TRIM46: variants seen among roughly 807,000 people sequenced by gnomAD.
TRIM46 encodes tripartite motif-containing protein 46.
Under a neutral mutation model 69.7 loss-of-function variants are expected in TRIM46, and 17 were observed. The ratio of observed to expected loss-of-function variants is 0.24; its 90% confidence interval spans 0.17 to 0.37. TRIM46 has a LOEUF of 0.37. Among genes scored for constraint, TRIM46 ranks in the 10% least tolerant of loss-of-function variants. TRIM46 has a pLI of 1.00. For missense variants in TRIM46, 675 were observed against 1,025.1 expected, an observed-to-expected ratio of 0.66 and a Z score of 4.66; for synonymous variants, 391 against 429.0, an observed-to-expected ratio of 0.91 and a Z score of 1.09.
rs1187197594 is a variant in TRIM46 at position 155,179,905 on chromosome 1, A to G, written c.1559A>G (p.Asp520Gly). Residue 520 changes from aspartate to glycine, a missense_variant, in exon 8 of 10, where the codon GAT becomes GGT. Physicochemically the swap from Asp to Gly is moderately conservative, Grantham distance 94 (BLOSUM62 -1). Around this residue, in one of 5 missense-constraint regions of TRIM46, gnomAD observed 361 missense variants for 498.3 expected, o/e 0.72. Transcript: ENST00000334634. The stretch of plus-strand genomic sequence containing the variant: ...GCCGGCTACGGCGAATACAGTGAAG[A>G]TGTGCACCTGCACACGCCCCCGGCA... ...NKAGYGEYSEDVHLHTPPAPV... is the reference protein window; with the variant it reads ...NKAGYGEYSEGVHLHTPPAPV... 1 of 1,596,132 alleles carries G rather than the reference A, an allele frequency of 6.3e-7. No individual in the cohort carries two copies. The highest frequency in any genetic ancestry group is 2.2e-5 in the East Asian group (1 of 44,504).
At position 155,173,999 on chromosome 1, in the gene TRIM46, T is replaced by C; in HGVS notation, c.33T>C (p.Thr11=). Residue 11 remains threonine (T), a synonymous_variant, in exon 1 of 10, where the codon ACT becomes ACC. Transcript: ENST00000334634. MAEGEDMQTF[T]SIMDALVRIS... ...AGGGTGAGGATATGCAGACCTTCAC[T>C]TCCATCATGGACGCACTGGTCCGCA... 6.4e-7 allele frequency: 1 copy of C among 1,573,172 alleles called. No homozygotes were observed. The highest frequency in any genetic ancestry group is 8.6e-7 in the Non-Finnish European group (1 of 1,160,062).
chr1:155,179,926 C>T lies in TRIM46; in HGVS notation c.1580C>T (p.Pro527Leu). ...GAAGATGTGCACCTGCACACGCCCCCGGCACCTGGTGAGTGGGCAGGCACA... is the reference window on the plus strand; with the variant it reads ...GAAGATGTGCACCTGCACACGCCCCTGGCACCTGGTGAGTGGGCAGGCACA... ...YSEDVHLHTP[P>L]APVLHFFLDS... is the part of the protein sequence containing the mutation. Residue 527 changes from proline (P) to leucine (L), a missense_variant, in exon 8 of 10, where the codon CCG (proline) becomes CTG (leucine). Physicochemically the swap from Pro to Leu is moderately conservative, Grantham distance 98 (BLOSUM62 -3). This residue lies in a region of TRIM46 where 361 missense variants were observed against 498.3 expected (regional missense o/e 0.72). Coordinates refer to ENST00000334634, the MANE Select transcript of TRIM46 (RefSeq NM_025058.5). 2 of 1,573,494 alleles carry T rather than the reference C, an allele frequency of 1.3e-6. No homozygotes were observed. Among genetic ancestry groups the T allele is most frequent in the Non-Finnish European group, 1.7e-6 (2 of 1,154,398 alleles).
At chr1:155,179,962 C>A in intron 8 of TRIM46, 28 bp downstream of exon 8, 1 of 1,554,970 alleles carries the variant, frequency 6.4e-7, no homozygotes, top group Non-Finnish European at 8.7e-7. Flanking sequence ...GGTGGTCGTG[C>A]AAAGGGCATG....
At position 155,173,857 on chromosome 1, in the gene TRIM46, A is replaced by G. The variant is rs1009077053; in HGVS notation, c.-110A>G. 5.9e-5 allele frequency: 67 copies of G among 1,130,728 alleles called. No homozygotes were observed. In the Middle Eastern group the frequency reaches 8.2e-4, roughly 14 times the overall value. 70.0% of individuals were successfully genotyped at this position (1,130,728 alleles called of 1,614,324 possible). A position where few individuals can be genotyped will look rare whatever the true frequency, so the allele number is the denominator to read the frequency against. On this transcript the variant is annotated 5_prime_UTR_variant, in exon 1 of 10. Coordinates refer to ENST00000334634, the MANE Select transcript of TRIM46 (RefSeq NM_025058.5). ...TGGTCCCGGGAGCATGCGCAGTGAC[A>G]CCTCAACCCCCAGCCCTCCTCACAC...
At position 155,174,571 on chromosome 1, in the gene TRIM46, C is replaced by A. The variant is rs753926887; in HGVS notation, c.63+542C>A. On this transcript the variant is annotated intron_variant, in intron 1 of 9. Transcript: ENST00000334634. ...TGTTCCCCCCCACCACTTCCTCCCC[C>A]CCTCCTTGTTCCTCCCTCCTTTGTG... is the stretch of plus-strand genomic sequence containing the variant. The A allele has an allele frequency of 3.3e-6, 5 of 1,514,424 alleles. No individual in the cohort carries two copies. The Admixed American group carries it at 6.3e-5, about 19-fold the overall frequency. The allele number at this position is 1,514,424 out of a possible 1,614,324, so 93.8% of individuals were successfully genotyped here. A position where few individuals can be genotyped will look rare whatever the true frequency, so the allele number is the denominator to read the frequency against.
intron 5 of TRIM46, among the ~76,000 whole-genome samples, chr1:155,177,582 G>C (rs915263111): frequency 3.9e-5 from 6 of 152,220 alleles, no homozygotes; most frequent in Non-Finnish European, 8.8e-5. Context: ...TGCCTACCGA[G>C]GATGTCACGC....
chr1:155,180,526 C>A lies in TRIM46; in HGVS notation c.1588+592C>A, dbSNP rs765410931. 8.3e-6 allele frequency: 3 copies of A among 360,526 alleles called. No individual in the cohort carries two copies. In the East Asian group the frequency reaches 1.3e-4, roughly 15 times the overall value. The allele number at this position is 360,526 out of a possible 1,614,324, so 22.3% of individuals were successfully genotyped here. On this transcript the variant is annotated intron_variant, in intron 8 of 9. Coordinates refer to ENST00000334634, the MANE Select transcript of TRIM46 (RefSeq NM_025058.5). ...AGGAGAATCGCTTGAACCTGGGAGG[C>A]GGAGGTTGCAGTGAGCTGAGATCGC...
chr1:155,178,739 T>TTGGCCCCCCCCCCCCCCCCC, intron 7 of TRIM46, 126 bp downstream of exon 7: 37 of 1,348,448 alleles, frequency 2.7e-5, no homozygotes, highest in Non-Finnish European at 3.5e-5. Flanking sequence ...CAGCCATTCC[T>TTGGCCCCCCCCCCCCCCCCC]CCCACCCAGC....
Position 155,183,951 on chromosome 1 carries a change from G to A in TRIM46, c.2041G>A (p.Ala681Thr). 6.2e-7 allele frequency: 1 copy of A among 1,613,962 alleles called. No individual in the cohort carries two copies. The highest frequency in any genetic ancestry group is 8.5e-7 in the Non-Finnish European group (1 of 1,180,028). Residue 681 changes from alanine to threonine, a missense_variant, in exon 10 of 10, where the codon GCC becomes ACC. Ala to Thr is a moderately conservative substitution (Grantham distance 58, BLOSUM62 0). Around this residue, in one of 5 missense-constraint regions of TRIM46, gnomAD observed 108 missense variants for 153.0 expected, o/e 0.71. Transcript: ENST00000334634. ...GCTGACAGGGAGGGATGGCCCCACAGCCGGCTGCACAGTGCCCCTGCCACC... is the reference window on the plus strand; with the variant it reads ...GCTGACAGGGAGGGATGGCCCCACAACCGGCTGCACAGTGCCCCTGCCACC... The part of the protein sequence containing the change: ...AGLTGRDGPT[A>T]GCTVPLPPRL...
In TRIM46 at chr1:155,175,113, G is replaced by A. The variant is rs1432421325; in HGVS notation, c.64-273G>A. 1 of 1,372,674 alleles carries A rather than the reference G, an allele frequency of 7.3e-7. No homozygotes were observed. Among genetic ancestry groups the A allele is most frequent in the African/African-American group, 1.5e-5 (1 of 66,902 alleles). 85.0% of individuals were successfully genotyped at this position (1,372,674 alleles called of 1,614,324 possible). A position where few individuals can be genotyped will look rare whatever the true frequency, so the allele number is the denominator to read the frequency against. ...GGGGCTGCCAGCTGGGGCTACTGCAGCTGGAGAAATGGGGATTGGGCTTGA... is the reference window on the plus strand; with the variant it reads ...GGGGCTGCCAGCTGGGGCTACTGCAACTGGAGAAATGGGGATTGGGCTTGA... On this transcript the variant is annotated intron_variant, in intron 1 of 9. Coordinates refer to ENST00000334634, the MANE Select transcript of TRIM46 (RefSeq NM_025058.5). This position sits in a 1 kb window ranked among gnomAD's most constrained non-coding sequence, Gnocchi z 4.2.
At chr1:155,180,425 T>C (rs943398022) in intron 8 of TRIM46, 1 of 383,480 alleles carries the variant, frequency 2.6e-6, no homozygotes, top group Non-Finnish European at 4.7e-6. Flanking sequence ...TGAAACCCCG[T>C]CTCTACTAGG....
intron 1 of TRIM46, chr1:155,174,864 G>C: frequency 7.1e-7 from 1 of 1,415,630 alleles, no homozygotes; most frequent in Non-Finnish European, 9.2e-7. Context: ...AGTGAAGGAT[G>C]GGGAATGGAG....
chr1:155,175,930 C>A lies in TRIM46; in HGVS notation c.368C>A (p.Pro123His). The A allele has an allele frequency of 6.2e-7, 1 of 1,600,332 alleles. No individual in the cohort carries two copies. Among genetic ancestry groups the A allele is most frequent in the Non-Finnish European group, 8.5e-7 (1 of 1,171,592 alleles). The change falls in exon 3 of 10, where the codon CCC becomes CAC. Residue 123 changes from proline to histidine, a missense_variant. By Grantham distance (77) the Pro-to-His change is moderately conservative (BLOSUM62 -2). Transcript: ENST00000334634. This position sits in a 1 kb window ranked among gnomAD's most constrained non-coding sequence, Gnocchi z 4.2. ...GGGAGGAAGCGAGGTGCTTTGCACC[C>A]CCAAGTGATCATGTTCCCGTGCCCA... ...YPGRKRGALH[P>H]QVIMFPCPAC...
intron 5 of TRIM46, 55 bp downstream of exon 5, chr1:155,177,345 AG>A: frequency 1.4e-6 from 2 of 1,460,090 alleles, no homozygotes; most frequent in Non-Finnish European, 1.9e-6. Context: ...AGGGGCAGGA[AG>A]GGGGTGTGGG....
chr1:155,183,551 T>C (rs954169649), intron 9 of TRIM46, among the ~76,000 whole-genome samples: 3 of 152,154 alleles, frequency 2.0e-5, no homozygotes, highest in Admixed American at 1.3e-4. Context: ...ACCAATGCCA[T>C]GTCTTTCCTG....
intron 9 of TRIM46, among the ~76,000 whole-genome samples, chr1:155,183,393 C>T (rs1056831205): frequency 2.6e-5 from 4 of 152,040 alleles, no homozygotes; most frequent in Admixed American, 2.6e-4. Flanking sequence ...AATCCACCCT[C>T]ATCTCTCTCC....
chr1:155,174,392 G>A (rs1406647677), intron 1 of TRIM46: 1 of 428,018 alleles, frequency 2.3e-6, no homozygotes, highest in Non-Finnish European at 3.1e-6. Context: ...ACTGAGGACA[G>A]GTGGGGGATG....
Position 155,175,273 on chromosome 1 carries a change from G to C in TRIM46, c.64-113G>C. On this transcript the variant is annotated intron_variant, in intron 1 of 9. Transcript: ENST00000334634. This position sits in a 1 kb window ranked among gnomAD's most constrained non-coding sequence, Gnocchi z 4.2. ...GGCAGGTGCTCTGGAAAAGCTGCAG[G>C]TAGCTTGTCTTGCTCCTTCCTCAGA... The C allele has an allele frequency of 6.4e-7, 1 of 1,551,858 alleles. No individual in the cohort carries two copies. Among genetic ancestry groups the C allele is most frequent in the Non-Finnish European group, 8.6e-7 (1 of 1,157,466 alleles).
At chr1:155,180,837 G>C (rs1430182665) in intron 8 of TRIM46, among the ~76,000 whole-genome samples, 1 of 152,076 alleles carries the variant, frequency 6.6e-6, no homozygotes, top group Non-Finnish European at 1.5e-5. Flanking sequence ...TTGAACCCAG[G>C]AGGCGGAGGT....
Sources: gnomAD v4.1 joint callset for allele counts (sites outside exome capture counted in the v4.1 genomes callset) on GRCh38, gnomAD v4.1.1 for gene constraint, gnomAD v4.1.1 regional missense constraint, Gnocchi (gnomAD v3.1) non-coding constraint, MANE v1.5 for transcripts, NCBI Gene and HGNC (gene_info 2026-07-23, HGNC 2026-07-21) for gene names.